The following HERPUD2 variants were observed in gnomAD, a reference collection of about 807,000 sequenced individuals.
HERPUD2 encodes HERPUD family member 2, also known as homocysteine-responsive endoplasmic reticulum-resident ubiquitin-like domain member 2 protein.
A neutral mutation model predicts 49.9 loss-of-function variants in HERPUD2; 13 were observed. The ratio of observed to expected loss-of-function variants is 0.26; its 90% CI spans 0.17 to 0.41. The LOEUF is 0.41. HERPUD2 is among the 10% of genes least tolerant of loss of function. The probability of loss-of-function intolerance (pLI) is 1.00; values close to 1 mark genes in which losing one functional copy is unlikely to be tolerated. For synonymous variants in HERPUD2, 172 were observed against 171.4 expected (o/e 1.00, Z -0.03); for missense variants, 449 against 492.2 (o/e 0.91, Z 0.83).
intron 2 of HERPUD2, among the ~76,000 whole-genome samples, chr7:35,676,153 GTTA>G (rs1404043704): frequency 6.6e-6 from 1 of 152,168 alleles, no homozygotes; most frequent in East Asian, 1.9e-4. Flanking sequence ...AAATTTGACT[GTTA>G]TGCCTCTTTT....
chr7:35,693,157 C>A (rs1416049606), intron 2 of HERPUD2, among the ~76,000 whole-genome samples: 1 of 152,132 alleles, frequency 6.6e-6, no homozygotes, highest in African/African-American at 2.4e-5. Flanking sequence ...ACTTTGGGGA[C>A]AGATGGAGCT....
intron 5 of HERPUD2, among the ~76,000 whole-genome samples, chr7:35,646,571 A>T (rs1174841838): frequency 6.6e-6 from 1 of 152,228 alleles, no homozygotes; most frequent in Non-Finnish European, 1.5e-5. Context: ...ATTTAAAAAA[A>T]GAAAAAGCAA....
rs370791994 is a variant in HERPUD2 at position 35,633,213 on chromosome 7, C to G, written c.*477G>C. The G allele has an allele frequency of 6.6e-6, 1 of 152,040 alleles. No individual in the cohort carries two copies. The highest frequency in any genetic ancestry group is 2.4e-5 in the African/African-American group (1 of 41,312). The allele number at this position is 152,040 out of a possible 1,614,324, so 9.4% of individuals were successfully genotyped here. A position where few individuals can be genotyped will look rare whatever the true frequency, so the allele number is the denominator to read the frequency against. ...CCCCAAGTAGCTGGGATTACAGGCGCGTGACACCACACCCGGCTAATTTTT... is the reference window on the plus strand; with the variant it reads ...CCCCAAGTAGCTGGGATTACAGGCGGGTGACACCACACCCGGCTAATTTTT... On this transcript the variant is annotated 3_prime_UTR_variant, in exon 9 of 9. Coordinates refer to ENST00000311350, the MANE Select transcript of HERPUD2 (RefSeq NM_022373.5).
At chr7:35,638,007 A>C (rs1205570989) in intron 6 of HERPUD2, among the ~76,000 whole-genome samples, 4 of 152,240 alleles carry the variant, frequency 2.6e-5, no homozygotes, top group South Asian at 4.1e-4. Context: ...TGAGCCCTAC[A>C]TAAGCTATGG....
At chr7:35,685,458 G>A (rs1456516905) in intron 2 of HERPUD2, among the ~76,000 whole-genome samples, 1 of 151,362 alleles carries the variant, frequency 6.6e-6, no homozygotes, top group Non-Finnish European at 1.5e-5. Context: ...CGAGTAGCTG[G>A]GATTACAGGC....
chr7:35,656,659 C>A (rs1387158864), intron 5 of HERPUD2, among the ~76,000 whole-genome samples: 15 of 152,058 alleles, frequency 9.9e-5, no homozygotes, highest in Non-Finnish European at 2.2e-4. Flanking sequence ...AGAAATAAAT[C>A]CAGGTAGTTA....
At chr7:35,652,782 T>C (rs1167056560) in intron 5 of HERPUD2, among the ~76,000 whole-genome samples, 1 of 151,866 alleles carries the variant, frequency 6.6e-6, no homozygotes, top group Non-Finnish European at 1.5e-5. Context: ...AAGTTATCCT[T>C]CATAAATGAA....
At chr7:35,692,730 C>T (rs1368800357) in intron 2 of HERPUD2, among the ~76,000 whole-genome samples, 1 of 152,146 alleles carries the variant, frequency 6.6e-6, no homozygotes, top group African/African-American at 2.4e-5. Flanking sequence ...TTCTAAACCT[C>T]CTGTTTTTGC....
At chr7:35,673,723 A>T (rs1384701431) in intron 2 of HERPUD2, among the ~76,000 whole-genome samples, 3 of 152,192 alleles carry the variant, frequency 2.0e-5, no homozygotes, top group African/African-American at 7.2e-5. Flanking sequence ...TTCATCTAAG[A>T]TAATATACAA....
Position 35,634,374 on chromosome 7 carries a change from T to C in HERPUD2, c.997A>G (p.Asn333Asp), listed in dbSNP as rs577208489. The change falls in exon 8 of 9, where the codon AAC (asparagine) becomes GAC (aspartate). Residue 333 changes from asparagine (N) to aspartate (D), a missense_variant. Asn to Asp is a conservative substitution (Grantham distance 23, BLOSUM62 1). Coordinates refer to ENST00000311350, the MANE Select transcript of HERPUD2 (RefSeq NM_022373.5). ...RQEGGHQQAP[N>D]NNAEVNNDGQ... ...TCATTGTTAACTTCGGCATTATTGT[T>C]GGGAGCCTGCTGATGACCTCCTTCT... The C allele has an allele frequency of 1.3e-5, 21 of 1,614,080 alleles. No individual in the cohort carries two copies. The East Asian group carries it at 4.2e-4, about 33-fold the overall frequency.
At chr7:35,675,535 T>A (rs1423213735) in intron 2 of HERPUD2, among the ~76,000 whole-genome samples, 3 of 152,112 alleles carry the variant, frequency 2.0e-5, no homozygotes, top group Non-Finnish European at 2.9e-5. Context: ...ATAGATACTT[T>A]TACGTCATAT....
chr7:35,636,857 G>C (rs1784878029), intron 6 of HERPUD2, among the ~76,000 whole-genome samples: 1 of 152,126 alleles, frequency 6.6e-6, no homozygotes, highest in South Asian at 2.1e-4. Flanking sequence ...AACCGGGCAT[G>C]GTGGCTCATG....
intron 2 of HERPUD2, among the ~76,000 whole-genome samples, chr7:35,678,687 G>A (rs1323128121): frequency 1.3e-5 from 2 of 152,116 alleles, no homozygotes; most frequent in Non-Finnish European, 1.5e-5. Flanking sequence ...AAAATACTTT[G>A]ATGTTAGTCA....
chr7:35,688,891 C>A (rs1395521939), intron 2 of HERPUD2, among the ~76,000 whole-genome samples: 4 of 151,918 alleles, frequency 2.6e-5, no homozygotes, highest in Admixed American at 2.0e-4. Flanking sequence ...AATCACCAAG[C>A]CTCGGTTTCT....
chr7:35,660,953 C>T (rs1421944835), intron 5 of HERPUD2, among the ~76,000 whole-genome samples: 1 of 152,148 alleles, frequency 6.6e-6, no homozygotes, highest in Non-Finnish European at 1.5e-5. Flanking sequence ...AGTCCTTGCC[C>T]ATGCCTATGT....
chr7:35,675,473 T>C (rs958531498), intron 2 of HERPUD2, among the ~76,000 whole-genome samples: 1 of 152,240 alleles, frequency 6.6e-6, no homozygotes, highest in African/African-American at 2.4e-5. Context: ...AAGTTTCTTG[T>C]ATTACAGTCA....
intron 5 of HERPUD2, among the ~76,000 whole-genome samples, chr7:35,666,533 C>A (rs192646074): frequency 3.3e-5 from 5 of 152,368 alleles, no homozygotes; most frequent in Admixed American, 3.3e-4. Flanking sequence ...TGGATCCAGA[C>A]CAGTGCCACA....
intron 4 of HERPUD2, 44 bp downstream of exon 4, chr7:35,670,171 A>T: frequency 9.9e-7 from 1 of 1,009,256 alleles, no homozygotes; most frequent in East Asian, 2.6e-5. Context: ...CGACGACGAA[A>T]AAAAAAGAAA....
chr7:35,682,137 C>T (rs1284722755), intron 2 of HERPUD2, among the ~76,000 whole-genome samples: 14 of 151,882 alleles, frequency 9.2e-5, no homozygotes, highest in Middle Eastern at 6.8e-3. Flanking sequence ...TCCTGAGGCT[C>T]AAGTGATCCT....
Sources: allele counts gnomAD v4.1 joint callset (sites outside exome capture counted in the v4.1 genomes callset), GRCh38; gene constraint gnomAD v4.1.1; transcripts MANE v1.5; gene names NCBI Gene and HGNC (gene_info 2026-07-23, HGNC 2026-07-21).